Variants in USP12 observed in about 807,000 individuals in gnomAD.
USP12 encodes ubiquitin carboxyl-terminal hydrolase 12.
A neutral mutation model predicts 45.5 loss-of-function variants in USP12; 19 were observed. The ratio of observed to expected loss-of-function variants is 0.42; its 90% CI spans 0.29 to 0.61. The LOEUF is 0.61. Among genes scored for constraint, USP12 ranks in the 20% least tolerant of loss-of-function variants. The pLI is 0.22. For synonymous variants in USP12, 149 were observed against 148.8 expected, an observed-to-expected ratio of 1.00 and a Z score of -0.01; for missense variants, 242 against 447.7, an observed-to-expected ratio of 0.54 and a Z score of 4.15.
intron 1 of USP12, among the ~76,000 whole-genome samples, chr13:27,161,059 G>C (rs1055079654): frequency 3.9e-5 from 6 of 152,100 alleles, no homozygotes; most frequent in African/African-American, 1.4e-4. Flanking sequence ...TTGTGGAAAA[G>C]AGAATCCCCC....
intron 1 of USP12, among the ~76,000 whole-genome samples, chr13:27,142,519 T>G (rs1046688804): frequency 6.6e-6 from 1 of 152,232 alleles, no homozygotes; most frequent in African/African-American, 2.4e-5. Context: ...AATGTGCACT[T>G]AAGTTTTTAC....
intron 4 of USP12, among the ~76,000 whole-genome samples, chr13:27,094,291 G>A (rs1874460537): frequency 6.6e-6 from 1 of 151,882 alleles, no homozygotes; most frequent in African/African-American, 2.4e-5. Flanking sequence ...GTTACTTGAG[G>A]GCAGGAGTTC....
intron 1 of USP12, among the ~76,000 whole-genome samples, chr13:27,156,648 T>C (rs1877856420): frequency 6.6e-6 from 1 of 152,116 alleles, no homozygotes; most frequent in African/African-American, 2.4e-5. Flanking sequence ...TGAAACCCCA[T>C]CTCTACTAAA....
intron 1 of USP12, among the ~76,000 whole-genome samples, chr13:27,158,866 A>C (rs1377822153): frequency 6.6e-6 from 1 of 152,264 alleles, no homozygotes; most frequent in Non-Finnish European, 1.5e-5. Context: ...ACATGGAATG[A>C]AACATGATGA....
At position 27,171,649 on chromosome 13, in the gene USP12, G is replaced by C; in HGVS notation, c.-10C>G. Reference sequence around the variant, plus strand: ...TCATTAGGATTTCCATCCGGCCAGCGCCATCTTCCACCCAATCACAGCGGC... The same window carrying C: ...TCATTAGGATTTCCATCCGGCCAGCCCCATCTTCCACCCAATCACAGCGGC... On this transcript the variant is annotated 5_prime_UTR_variant, in exon 1 of 9. Transcript: ENST00000282344. 1 of 1,280,062 alleles carries C rather than the reference G, an allele frequency of 7.8e-7. No homozygotes were observed. The highest frequency in any genetic ancestry group is 1.0e-6 in the Non-Finnish European group (1 of 981,322). The allele number at this position is 1,280,062 out of a possible 1,614,324, so 79.3% of individuals were successfully genotyped here.
intron 1 of USP12, among the ~76,000 whole-genome samples, chr13:27,124,396 C>A (rs1365719334): frequency 1.3e-5 from 2 of 152,064 alleles, no homozygotes; most frequent in Non-Finnish European, 2.9e-5. Flanking sequence ...ATACACCTTA[C>A]CAAGAAATTA....
At chr13:27,083,566 G>C (rs1395081424) in intron 6 of USP12, among the ~76,000 whole-genome samples, 1 of 151,992 alleles carries the variant, frequency 6.6e-6, no homozygotes, top group Non-Finnish European at 1.5e-5. Flanking sequence ...ACCTCCCATG[G>C]GATAAACGTA....
At chr13:27,117,856 G>T (rs1024640169) in intron 1 of USP12, 5 of 517,722 alleles carry the variant, frequency 9.7e-6, no homozygotes, top group Non-Finnish European at 1.5e-5. Flanking sequence ...GTGAAAGGGA[G>T]GGGGAGAAAT....
chr13:27,086,187 AAAAAAAAAAAATAT>A (rs1254976937), intron 6 of USP12, among the ~76,000 whole-genome samples: 3 of 72,894 alleles, frequency 4.1e-5, no homozygotes, highest in African/African-American at 9.1e-5. Context: ...AAAAAAAAAA[AAAAAAAAAAAATAT>A]ATATATATAT....
chr13:27,084,324 G>C (rs1873907275), intron 6 of USP12, among the ~76,000 whole-genome samples: 1 of 151,414 alleles, frequency 6.6e-6, no homozygotes, highest in African/African-American at 2.4e-5. Context: ...TGGCCAACAT[G>C]GTGTAACCCC....
At chr13:27,072,699 G>A (rs1161922953) in intron 7 of USP12, among the ~76,000 whole-genome samples, 1 of 152,130 alleles carries the variant, frequency 6.6e-6, no homozygotes, top group East Asian at 1.9e-4. Flanking sequence ...GGAGGTAGAA[G>A]GGAGAGAGGG....
chr13:27,088,932 C>T (rs1470083465), intron 6 of USP12, among the ~76,000 whole-genome samples: 1 of 152,170 alleles, frequency 6.6e-6, no homozygotes, highest in Non-Finnish European at 1.5e-5. Context: ...TGCTACTTAA[C>T]AGGACATGAT....
chr13:27,163,782 A>AAAAG (rs1555240047), intron 1 of USP12, among the ~76,000 whole-genome samples: 49 of 138,766 alleles, frequency 3.5e-4, no homozygotes, highest in Non-Finnish European at 6.8e-4. Flanking sequence ...AAAAAAAAAA[A>AAAAG]AAAGAAAAAA....
chr13:27,128,919 GTAT>G (rs1257675333), intron 1 of USP12, among the ~76,000 whole-genome samples: 1 of 152,078 alleles, frequency 6.6e-6, no homozygotes, highest in Non-Finnish European at 1.5e-5. Context: ...TAAATACAAG[GTAT>G]TATTAAGTTC....
chr13:27,072,401 GT>G (rs1286632881), intron 7 of USP12, among the ~76,000 whole-genome samples: 1 of 152,162 alleles, frequency 6.6e-6, no homozygotes, highest in Non-Finnish European at 1.5e-5. Context: ...GTAGACAAAA[GT>G]TAATTTCATA....
At chr13:27,138,120 G>A (rs961139503) in intron 1 of USP12, among the ~76,000 whole-genome samples, 2 of 152,236 alleles carry the variant, frequency 1.3e-5, no homozygotes, top group Admixed American at 1.3e-4. Flanking sequence ...AGAGGGCACG[G>A]CTTACCTACA....
At chr13:27,113,351 A>G (rs1392464353) in intron 2 of USP12, among the ~76,000 whole-genome samples, 1 of 152,174 alleles carries the variant, frequency 6.6e-6, no homozygotes, top group Admixed American at 6.5e-5. Context: ...AAGAAGCACA[A>G]CTTCTTCCCT....
At chr13:27,141,555 C>A (rs1436083994) in intron 1 of USP12, among the ~76,000 whole-genome samples, 2 of 152,068 alleles carry the variant, frequency 1.3e-5, no homozygotes, top group Non-Finnish European at 2.9e-5. Context: ...AAAAACATGA[C>A]AAACAAACAC....
intron 2 of USP12, among the ~76,000 whole-genome samples, chr13:27,107,568 G>T (rs972208564): frequency 1.3e-5 from 2 of 152,212 alleles, no homozygotes; most frequent in Non-Finnish European, 2.9e-5. Flanking sequence ...ATGCATGCAT[G>T]TTTGTGTGTA....
Sources: gnomAD v4.1 joint callset for allele counts (sites outside exome capture counted in the v4.1 genomes callset) on GRCh38, gnomAD v4.1.1 for gene constraint, MANE v1.5 for transcripts, NCBI Gene and HGNC (gene_info 2026-07-23, HGNC 2026-07-21) for gene names.